WNK2: variants seen among roughly 807,000 people sequenced by gnomAD.
WNK2 encodes the protein WNK lysine deficient protein kinase 2, also known as serine/threonine-protein kinase WNK2.
WNK2 carries 67 observed loss-of-function variants against 192.1 expected under a neutral mutation model. The observed-to-expected ratio is 0.35, with a 90% CI of 0.29 to 0.43. WNK2 has a LOEUF of 0.43. WNK2 is among the 20% of genes least tolerant of loss of function. The pLI is 1.00. For missense variants in WNK2, 2,698 were observed against 3,089.7 expected, an observed-to-expected ratio of 0.87 and a Z score of 3.01; for synonymous variants, 1,439 against 1,393.9, an observed-to-expected ratio of 1.03 and a Z score of -0.72.
chr9:93,268,829 CCCG>C (rs1165920270), intron 19 of WNK2, 83 bp downstream of exon 19: 4 of 1,578,260 alleles, frequency 2.5e-6, no homozygotes, highest in Middle Eastern at 1.7e-4. Flanking sequence ...CGGTATGTGC[CCCG>C]TGCCCAGGTC....
At chr9:93,297,154 C>G in intron 23 of WNK2, among the ~76,000 whole-genome samples, 1 of 146,406 alleles carries the variant, frequency 6.8e-6, no homozygotes, top group African/African-American at 2.5e-5. Flanking sequence ...CATCCCCTCC[C>G]CATCCTCCCC....
intron 2 of WNK2, among the ~76,000 whole-genome samples, chr9:93,201,118 C>A (rs11999413): frequency 1.3e-5 from 2 of 152,026 alleles, no homozygotes; most frequent in South Asian, 2.1e-4. Flanking sequence ...TGGTACCACC[C>A]ATCCTTTCCA....
intron 2 of WNK2, among the ~76,000 whole-genome samples, chr9:93,221,586 G>A (rs533871835): frequency 1.4e-4 from 22 of 152,294 alleles, no homozygotes; most frequent in Admixed American, 1.3e-3. Flanking sequence ...GCTCAGTAAC[G>A]GAGGCACTTT....
chr9:93,320,011 C>T (rs1170562788), intron 29 of WNK2, among the ~76,000 whole-genome samples: 2 of 152,352 alleles, frequency 1.3e-5, no homozygotes, highest in East Asian at 3.9e-4. Flanking sequence ...GCTGCAGTGC[C>T]AGCCTTCGAG....
intron 2 of WNK2, among the ~76,000 whole-genome samples, chr9:93,200,694 T>C (rs1431493621): frequency 6.6e-6 from 1 of 152,050 alleles, no homozygotes; most frequent in Non-Finnish European, 1.5e-5. Flanking sequence ...GGCCTCTGGA[T>C]TGGGTGACTT....
chr9:93,228,210 G>A (rs1450654857), intron 2 of WNK2, among the ~76,000 whole-genome samples: 1 of 152,202 alleles, frequency 6.6e-6, no homozygotes, highest in Non-Finnish European at 1.5e-5. Flanking sequence ...GCTGTGGGGA[G>A]GGGTCTGGCG....
intron 28 of WNK2, among the ~76,000 whole-genome samples, chr9:93,315,158 T>G (rs1854393787): frequency 6.6e-6 from 1 of 152,194 alleles, no homozygotes; most frequent in Non-Finnish European, 1.5e-5. Context: ...CAAAGAGAGC[T>G]TCAGGATCTC....
intron 12 of WNK2, among the ~76,000 whole-genome samples, chr9:93,260,306 T>G (rs1891973): frequency 0.96 from 146,808 of 152,282 alleles, 70,825 homozygotes; most frequent in African/African-American, 0.99. Context: ...TCGAGTGAGG[T>G]GAGAGGGGCT....
intron 2 of WNK2, among the ~76,000 whole-genome samples, chr9:93,193,055 C>T (rs111321667): frequency 5.1e-4 from 77 of 152,294 alleles, no homozygotes; most frequent in African/African-American, 1.7e-3. Context: ...GGGTTTGGGC[C>T]GTGTGTCTGG....
intron 23 of WNK2, among the ~76,000 whole-genome samples, chr9:93,297,309 C>T (rs868591401): frequency 6.6e-6 from 1 of 152,300 alleles, no homozygotes; most frequent in South Asian, 2.1e-4. Context: ...TGCATTTCAC[C>T]TGCGGGGTGA....
intron 26 of WNK2, among the ~76,000 whole-genome samples, chr9:93,305,505 T>C (rs995920451): frequency 3.3e-5 from 5 of 152,188 alleles, no homozygotes; most frequent in African/African-American, 4.8e-5. Flanking sequence ...CTGGGCTCCC[T>C]CCTTTTTATT....
rs1189453872 is a variant in WNK2, at chr9:93,264,052, G to C, written c.3696+19G>C. ...GTATATGGTGAGGCTGGGTCTGGGT[G>C]GCTTGGCTCCCGGTGTTTCTTGGAC... On this transcript the variant is annotated intron_variant, in intron 16 of 29. Transcript: ENST00000427277. 2.5e-6 allele frequency: 4 copies of C among 1,591,258 alleles called. No individual in the cohort carries two copies. The highest frequency in any genetic ancestry group is 3.4e-6 in the Non-Finnish European group (4 of 1,163,330).
chr9:93,288,911 C>T lies in WNK2; in HGVS notation c.4157C>T (p.Pro1386Leu). The T allele has an allele frequency of 6.2e-7, 1 of 1,606,702 alleles. No homozygotes were observed. The highest frequency in any genetic ancestry group is 1.7e-4 in the Middle Eastern group (1 of 6,042). The change falls in exon 20 of 30, where the codon CCC (proline) becomes CTC (leucine). Residue 1386 changes from proline to leucine, a missense_variant. Coordinates refer to ENST00000427277, the MANE Select transcript of WNK2 (RefSeq NM_006648.4). Reference sequence around the variant, plus strand: ...GGGGCACCCCCAGCCCCTTTGGCCCCCTCCTCCCCTCCTGTGACTGCTCTG... The same window carrying T: ...GGGGCACCCCCAGCCCCTTTGGCCCTCTCCTCCCCTCCTGTGACTGCTCTG... ...PPGAPPAPLA[P>L]SSPPVTALPQ...
chr9:93,218,063 G>A (rs967063634), intron 2 of WNK2, among the ~76,000 whole-genome samples: 1 of 152,084 alleles, frequency 6.6e-6, no homozygotes, highest in Non-Finnish European at 1.5e-5. Context: ...CCTTCGAGGG[G>A]CCACAATATT....
At chr9:93,235,675 A>G (rs1016308419) in intron 5 of WNK2, among the ~76,000 whole-genome samples, 5 of 152,224 alleles carry the variant, frequency 3.3e-5, no homozygotes, top group Non-Finnish European at 2.9e-5. Flanking sequence ...TGTGAAGCCC[A>G]GGGGCCTGCA....
intron 19 of WNK2, among the ~76,000 whole-genome samples, chr9:93,276,809 G>A (rs981615922): frequency 6.6e-6 from 1 of 152,152 alleles, no homozygotes; most frequent in South Asian, 2.1e-4. Context: ...AGGCCAAGGC[G>A]GGTGGATCAT....
At chr9:93,250,456 A>G (rs1842426055) in intron 8 of WNK2, among the ~76,000 whole-genome samples, 7 of 152,200 alleles carry the variant, frequency 4.6e-5, no homozygotes, top group Admixed American at 4.6e-4. Flanking sequence ...TCTGTTTCAT[A>G]ATGGATAGCA....
At chr9:93,243,428 G>A (rs571027894) in intron 7 of WNK2, among the ~76,000 whole-genome samples, 1 of 152,182 alleles carries the variant, frequency 6.6e-6, no homozygotes, top group African/African-American at 2.4e-5. Context: ...TCCTGCATCA[G>A]TTCACAGCAG....
chr9:93,224,472 G>C (rs1837466534), intron 2 of WNK2, among the ~76,000 whole-genome samples: 1 of 152,174 alleles, frequency 6.6e-6, no homozygotes, highest in African/African-American at 2.4e-5. Context: ...GTGTCCTGGG[G>C]GTGCTGGGAA....
Sources: gnomAD v4.1 joint callset for allele counts (sites outside exome capture counted in the v4.1 genomes callset) on GRCh38, gnomAD v4.1.1 for gene constraint, MANE v1.5 for transcripts, NCBI Gene and HGNC (gene_info 2026-07-23, HGNC 2026-07-21) for gene names.